The following KCNIP1 variants were observed in gnomAD, a reference collection of about 807,000 sequenced individuals.
The protein encoded by KCNIP1 is potassium voltage-gated channel interacting protein 1, also known as A-type potassium channel modulatory protein KCNIP1.
A neutral mutation model predicts 33.0 loss-of-function variants in KCNIP1; 18 were observed. The ratio of observed to expected loss-of-function variants is 0.55; its 90% CI spans 0.38 to 0.81. KCNIP1 has a LOEUF of 0.81. Among genes scored for constraint, KCNIP1 ranks in the 30% least tolerant of loss-of-function variants. The pLI, the probability that KCNIP1 is intolerant of heterozygous loss-of-function variation, is 0.00. For missense variants in KCNIP1, 238 were observed against 271.6 expected (o/e 0.88, Z 0.87); for synonymous variants, 93 against 98.3 (o/e 0.95, Z 0.32).
intron 1 of KCNIP1, among the ~76,000 whole-genome samples, chr5:170,675,044 G>A (rs1050555383): frequency 7.9e-5 from 12 of 151,936 alleles, no homozygotes; most frequent in Admixed American, 5.9e-4. Context: ...GCTCCCACCT[G>A]TAATCCCAAC....
rs917420191 is a variant in KCNIP1 at position 170,504,242 on chromosome 5, G to C, written c.-331G>C. On this transcript the variant is annotated 5_prime_UTR_variant, in exon 1 of 8. Coordinates refer to ENST00000328939, the MANE Select transcript of KCNIP1 (RefSeq NM_014592.4). The surrounding 1 kb of genome is among the most constrained non-coding windows in gnomAD (Gnocchi z 6.0). The stretch of plus-strand genomic sequence containing the variant: ...GCTCGGCAGCCTCGGCCGGGCGGCC[G>C]CTCTGGCCCCGTGTCCAGTGCCAGG... 3.5e-5 allele frequency: 38 copies of C among 1,093,010 alleles called. No homozygotes were observed. In the African/African-American group the frequency reaches 5.6e-4, roughly 16 times the overall value. 67.7% of individuals were successfully genotyped at this position (1,093,010 alleles called of 1,614,324 possible).
In KCNIP1 at chr5:170,489,192, G is replaced by T. The variant is rs1349808251; in HGVS notation, c.88+135228G>T. On this transcript the variant is annotated intron_variant, in intron 1 of 7. Transcript: ENST00000377360. This position sits in a 1 kb window ranked among gnomAD's most constrained non-coding sequence, Gnocchi z 4.3. ...GGAGGCTGCAGGCACTGAAGGAAGA[G>T]GTAGGGGACGATGACTCCATCTGTC... Among the ~76,000 whole-genome samples the T allele has an allele frequency of 6.6e-6, 1 of 152,236 alleles. No homozygotes were observed. The highest frequency in any genetic ancestry group is 1.9e-4 in the East Asian group (1 of 5,198).
chr5:170,540,564 T>G (rs1307635360), intron 1 of KCNIP1, among the ~76,000 whole-genome samples: 3 of 152,164 alleles, frequency 2.0e-5, no homozygotes, highest in Non-Finnish European at 4.4e-5. Context: ...GATGAAGACC[T>G]GCCCTTCCCT....
intron 1 of KCNIP1, among the ~76,000 whole-genome samples, chr5:170,545,385 G>A (rs1204272326): frequency 6.6e-6 from 1 of 151,972 alleles, no homozygotes. Context: ...GGGCTTGGTG[G>A]GCTTCTTGAA....
chr5:170,418,298 G>A (rs1364530638), intron 1 of KCNIP1, among the ~76,000 whole-genome samples: 1 of 152,182 alleles, frequency 6.6e-6, no homozygotes, highest in Non-Finnish European at 1.5e-5. Flanking sequence ...GGGCAGGGTG[G>A]CATGCACCTG....
intron 1 of KCNIP1, among the ~76,000 whole-genome samples, chr5:170,681,893 G>T (rs1469642644): frequency 1.3e-5 from 2 of 152,196 alleles, no homozygotes; most frequent in East Asian, 3.8e-4. Flanking sequence ...TTGTCTAGAT[G>T]ATTTTTGTCA....
intron 1 of KCNIP1, chr5:170,379,123 T>C: frequency 3.3e-6 from 3 of 907,836 alleles, no homozygotes; most frequent in East Asian, 2.6e-5. Flanking sequence ...GGCCATGCGC[T>C]GTACAGGTCT....
intron 1 of KCNIP1, among the ~76,000 whole-genome samples, chr5:170,674,052 T>C (rs187686598): frequency 3.4e-4 from 52 of 151,886 alleles, no homozygotes; most frequent in African/African-American, 1.2e-3. Context: ...AGATATTTCA[T>C]TGTGATGGGG....
chr5:170,688,106 T>C (rs369938069), intron 1 of KCNIP1, among the ~76,000 whole-genome samples: 164 of 152,376 alleles, frequency 1.1e-3, no homozygotes, highest in African/African-American at 3.7e-3. Flanking sequence ...TTATTTCATT[T>C]AGTCCTCATG....
At chr5:170,503,431 A>G (rs1757460557), upstream of KCNIP1, among the ~76,000 whole-genome samples, 1 of 150,654 alleles carries the variant, frequency 6.6e-6, no homozygotes, top group Non-Finnish European at 1.5e-5. Context: ...ATGAGAGTGT[A>G]AGGGCCCAGA....
intron 5 of KCNIP1, among the ~76,000 whole-genome samples, chr5:170,730,192 C>A (rs1018029779): frequency 6.6e-6 from 1 of 151,940 alleles, no homozygotes; most frequent in African/African-American, 2.4e-5. Context: ...CTAAAATATT[C>A]AAATACTACC....
intron 1 of KCNIP1, among the ~76,000 whole-genome samples, chr5:170,557,869 G>A (rs1756894658): frequency 6.6e-6 from 1 of 152,214 alleles, no homozygotes; most frequent in Non-Finnish European, 1.5e-5. Context: ...TCTAGCATAA[G>A]GTTGTTCTGA....
At chr5:170,707,806 C>T (rs1763311853) in intron 1 of KCNIP1, among the ~76,000 whole-genome samples, 2 of 151,868 alleles carry the variant, frequency 1.3e-5, no homozygotes, top group Admixed American at 6.6e-5. Flanking sequence ...TTTGGACTCC[C>T]TTTTTCAGGA....
chr5:170,531,783 C>A (rs2113347240), intron 1 of KCNIP1, among the ~76,000 whole-genome samples: 1 of 152,186 alleles, frequency 6.6e-6, no homozygotes, highest in East Asian at 1.9e-4. Flanking sequence ...CCCAGCCTCC[C>A]CACCTCATGC....
intron 1 of KCNIP1, among the ~76,000 whole-genome samples, chr5:170,552,084 T>G (rs1315084130): frequency 2.0e-5 from 3 of 152,102 alleles, no homozygotes; most frequent in Non-Finnish European, 4.4e-5. Flanking sequence ...ACCAGTCCCC[T>G]ACTGCGTAGA....
At chr5:170,543,849 G>A (rs1756307705) in intron 1 of KCNIP1, among the ~76,000 whole-genome samples, 1 of 152,102 alleles carries the variant, frequency 6.6e-6, no homozygotes, top group South Asian at 2.1e-4. Flanking sequence ...TTAAAGATTT[G>A]CACTTTTCCT....
At position 170,706,630 on chromosome 5, in the gene KCNIP1, A is replaced by G. The variant is rs74545825; in HGVS notation, c.62-12128A>G. 9.4e-3 allele frequency among the ~76,000 whole-genome samples: 1,437 copies of G among 152,320 alleles called. 33 individuals are homozygous for G. Among genetic ancestry groups the G allele is most frequent in the African/African-American group, 0.032 (1,333 of 41,568 alleles). Reference sequence around the variant, plus strand: ...GATACACTGTTCACATCTTAGCCTGACCTGGACCCAGTGAGTTTCCATCAG... The same window carrying G: ...GATACACTGTTCACATCTTAGCCTGGCCTGGACCCAGTGAGTTTCCATCAG... On this transcript the variant is annotated intron_variant, in intron 1 of 7. Transcript: ENST00000328939.
rs1366138756 is a variant in KCNIP1 at position 170,531,576 on chromosome 5, G to A, written c.61+26943G>A. Among the ~76,000 whole-genome samples, 6 of 152,292 alleles carry A rather than the reference G, an allele frequency of 3.9e-5. No individual in the cohort carries two copies. In the East Asian group the frequency reaches 1.2e-3, roughly 29 times the overall value. On this transcript the variant is annotated intron_variant, in intron 1 of 7. Coordinates refer to ENST00000328939, the MANE Select transcript of KCNIP1 (RefSeq NM_014592.4). ...TAACATCCTAAGTCCTAAGGTACCT[G>A]GAGCTTCAAATCTCATAATTAGCAC...
intron 1 of KCNIP1, among the ~76,000 whole-genome samples, chr5:170,456,023 G>C (rs2202427): frequency 6.6e-6 from 1 of 152,018 alleles, no homozygotes; most frequent in Non-Finnish European, 1.5e-5. Context: ...TATTTATTGA[G>C]GCACTATTTC....
Sources: gnomAD v4.1 joint callset for allele counts (sites outside exome capture counted in the v4.1 genomes callset) on GRCh38, gnomAD v4.1.1 for gene constraint, Gnocchi (gnomAD v3.1) non-coding constraint, MANE v1.5 for transcripts, NCBI Gene and HGNC (gene_info 2026-07-23, HGNC 2026-07-21) for gene names.